Variants in ARL15 observed in about 807,000 individuals in gnomAD.
ARL15 encodes the protein ADP-ribosylation factor-like protein 15.
In ARL15, 19 loss-of-function variants were observed where a neutral mutation model predicts 25.2. The observed-to-expected ratio is 0.75, with a 90% confidence interval of 0.53 to 1.10. The LOEUF is 1.10. Among genes scored for constraint, ARL15 ranks in the 50% least tolerant of loss-of-function variants. ARL15 has a pLI of 0.00. For missense variants in ARL15, 220 were observed against 246.0 expected, an observed-to-expected ratio of 0.89 and a Z score of 0.71; for synonymous variants, 94 against 86.8, an observed-to-expected ratio of 1.08 and a Z score of -0.46.
chr5:53,901,773 T>C (rs1745075293), intron 4 of ARL15, among the ~76,000 whole-genome samples: 1 of 152,162 alleles, frequency 6.6e-6, no homozygotes, highest in Non-Finnish European at 1.5e-5. Context: ...AAACAACTCA[T>C]GATTACCAAC....
intron 1 of ARL15, among the ~76,000 whole-genome samples, chr5:54,237,349 T>C (rs975106261): frequency 3.3e-5 from 5 of 152,202 alleles, no homozygotes; most frequent in African/African-American, 1.2e-4. Context: ...CTTTATAAAT[T>C]ACCCAGTCTC....
intron 4 of ARL15, among the ~76,000 whole-genome samples, chr5:53,969,614 T>A (rs1272125008): frequency 2.0e-5 from 3 of 152,194 alleles, no homozygotes; most frequent in Non-Finnish European, 4.4e-5. Context: ...CTGTTCCTAT[T>A]TTCAGTCATC....
chr5:54,255,641 G>A (rs541181993), intron 1 of ARL15, among the ~76,000 whole-genome samples: 8 of 152,220 alleles, frequency 5.3e-5, no homozygotes, highest in African/African-American at 1.9e-4. Context: ...CTTTTTGAGC[G>A]CTAACATGAT....
At chr5:53,910,419 G>T (rs1055156621) in intron 4 of ARL15, among the ~76,000 whole-genome samples, 11 of 151,750 alleles carry the variant, frequency 7.2e-5, no homozygotes, top group African/African-American at 2.4e-4. Context: ...GTAAGAAAAG[G>T]CCACAAGAAA....
At chr5:54,308,909 G>C (rs1561303906) in intron 1 of ARL15, among the ~76,000 whole-genome samples, 3 of 152,184 alleles carry the variant, frequency 2.0e-5, no homozygotes, top group African/African-American at 7.2e-5. Flanking sequence ...TACAGGCAAT[G>C]TCACCCTTTC....
At chr5:54,052,589 G>C (rs1364320546) in intron 4 of ARL15, among the ~76,000 whole-genome samples, 2 of 152,178 alleles carry the variant, frequency 1.3e-5, no homozygotes, top group Admixed American at 6.5e-5. Flanking sequence ...CTGTTTTACT[G>C]AGAGATTACA....
At chr5:54,079,535 A>G (rs889006471) in intron 4 of ARL15, among the ~76,000 whole-genome samples, 9 of 152,224 alleles carry the variant, frequency 5.9e-5, no homozygotes, top group African/African-American at 2.2e-4. Flanking sequence ...ATGAGAAAAA[A>G]AATTCTATCA....
At chr5:54,240,953 T>C (rs1028495303) in intron 1 of ARL15, among the ~76,000 whole-genome samples, 5 of 152,160 alleles carry the variant, frequency 3.3e-5, no homozygotes, top group Non-Finnish European at 7.4e-5. Flanking sequence ...GCATTTCAGA[T>C]AAAAAGTACT....
At chr5:53,902,751 A>G (rs1401025726) in intron 4 of ARL15, among the ~76,000 whole-genome samples, 1 of 152,196 alleles carries the variant, frequency 6.6e-6, no homozygotes, top group Non-Finnish European at 1.5e-5. Flanking sequence ...GTCCAGATGC[A>G]GAGATATTCA....
intron 4 of ARL15, among the ~76,000 whole-genome samples, chr5:53,992,298 C>T (rs1748528869): frequency 6.9e-6 from 1 of 144,352 alleles, no homozygotes; most frequent in South Asian, 2.3e-4. Context: ...AGTTTGGGAA[C>T]TACAAGTTTA....
At chr5:53,947,420 C>A (rs1746785990) in intron 4 of ARL15, among the ~76,000 whole-genome samples, 1 of 151,958 alleles carries the variant, frequency 6.6e-6, no homozygotes, top group Non-Finnish European at 1.5e-5. Context: ...ACATTCTTAG[C>A]CAAAACTAAT....
chr5:54,080,761 CT>C (rs778235312), intron 4 of ARL15, among the ~76,000 whole-genome samples: 1 of 151,636 alleles, frequency 6.6e-6, no homozygotes, highest in Non-Finnish European at 1.5e-5. Context: ...GAAACTCCCC[CT>C]GTCCTTTAAA....
At chr5:53,958,482 C>T (rs1747245638) in intron 4 of ARL15, among the ~76,000 whole-genome samples, 1 of 152,022 alleles carries the variant, frequency 6.6e-6, no homozygotes, top group Non-Finnish European at 1.5e-5. Flanking sequence ...ATCAACTAAA[C>T]ACAAAAGAAG....
intron 4 of ARL15, among the ~76,000 whole-genome samples, chr5:53,945,454 T>A (rs944749821): frequency 1.1e-4 from 17 of 152,348 alleles, no homozygotes; most frequent in Admixed American, 1.0e-3. Context: ...GGTGAAGGTT[T>A]AACCTCCAAA....
intron 4 of ARL15, among the ~76,000 whole-genome samples, chr5:54,081,263 A>T (rs1378295625): frequency 6.6e-6 from 1 of 152,150 alleles, no homozygotes; most frequent in African/African-American, 2.4e-5. Context: ...TTAGTTTGAA[A>T]ACTTTTAACA....
intron 4 of ARL15, among the ~76,000 whole-genome samples, chr5:54,022,060 A>G (rs1749620944): frequency 6.6e-6 from 1 of 152,188 alleles, no homozygotes; most frequent in East Asian, 1.9e-4. Flanking sequence ...TTCAGAAATG[A>G]AGGGGCAATT....
rs764025139 is a variant in ARL15 at position 54,113,383 on chromosome 5, C to A, written c.281G>T (p.Ser94Ile). Reference protein sequence around the residue: ...GGADNIRKYWSRYYQGSQGVI... With the variant: ...GGADNIRKYWIRYYQGSQGVI... The stretch of plus-strand genomic sequence containing the variant: ...CCCTTGAGATCCTTGGTAGTAGCGG[C>A]TCCAGTATTTCCGGATGTTATCAGC... The change falls in exon 4 of 5, where the codon AGC becomes ATC. Residue 94 changes from serine (S) to isoleucine (I), a missense_variant. Ser to Ile is a moderately radical substitution (Grantham distance 142). Coordinates refer to ENST00000504924, the MANE Select transcript of ARL15 (RefSeq NM_019087.3). 1 of 1,613,924 alleles carries A rather than the reference C, an allele frequency of 6.2e-7. No homozygotes were observed. The highest frequency in any genetic ancestry group is 2.2e-5 in the East Asian group (1 of 44,884).
At chr5:54,262,920 A>T (rs1179962137) in intron 1 of ARL15, among the ~76,000 whole-genome samples, 1 of 152,196 alleles carries the variant, frequency 6.6e-6, no homozygotes, top group Non-Finnish European at 1.5e-5. Flanking sequence ...ATTTGGGAAC[A>T]TAATAGGCAC....
intron 4 of ARL15, among the ~76,000 whole-genome samples, chr5:53,912,741 C>A (rs1745505993): frequency 6.6e-6 from 1 of 152,144 alleles, no homozygotes; most frequent in African/African-American, 2.4e-5. Flanking sequence ...TTGTGGAACC[C>A]TCAGTGATCT....
Sources: gnomAD v4.1 joint callset for allele counts (sites outside exome capture counted in the v4.1 genomes callset) on GRCh38, gnomAD v4.1.1 for gene constraint, MANE v1.5 for transcripts, NCBI Gene and HGNC (gene_info 2026-07-23, HGNC 2026-07-21) for gene names.